Variants in PTPRU observed in about 807,000 individuals in gnomAD.
The protein encoded by PTPRU is receptor-type tyrosine-protein phosphatase U.
In PTPRU, 69 loss-of-function variants were observed where a neutral mutation model predicts 166.3. The ratio of observed to expected loss-of-function variants is 0.41; its 90% CI spans 0.34 to 0.51. PTPRU has a LOEUF of 0.51. PTPRU is among the 20% of genes least tolerant of loss of function. The pLI is 0.09. For synonymous variants in PTPRU, 793 were observed against 814.0 expected (o/e 0.97, Z 0.44); for missense variants, 1,657 against 2,013.7 (o/e 0.82, Z 3.39).
At position 29,271,406 on chromosome 1, in the gene PTPRU, G is replaced by C. The variant is rs1038953229; in HGVS notation, c.1145-4042G>C. On this transcript the variant is annotated intron_variant, in intron 7 of 29. Coordinates refer to ENST00000373779, the MANE Select transcript of PTPRU (RefSeq NM_133178.4). This position sits in a 1 kb window ranked among gnomAD's most constrained non-coding sequence, Gnocchi z 4.4. ...GATCTGTCCAGATATGATCAGGGTA[G>C]GCAGGAAGAAAAAAGAAAAGTGGAC... 2.0e-5 allele frequency among the ~76,000 whole-genome samples: 3 copies of C among 152,134 alleles called. No individual in the cohort carries two copies. The highest frequency in any genetic ancestry group is 7.2e-5 in the African/African-American group (3 of 41,420).
chr1:29,274,239 C>T (rs1487553772), intron 7 of PTPRU, among the ~76,000 whole-genome samples: 7 of 151,956 alleles, frequency 4.6e-5, no homozygotes, highest in Non-Finnish European at 1.5e-5. Context: ...CGGGGCTTCA[C>T]CATATTGGCC....
At position 29,238,436 on chromosome 1, in the gene PTPRU, C is replaced by T. The variant is rs546237833; in HGVS notation, c.73+1719C>T. Among the ~76,000 whole-genome samples the T allele has an allele frequency of 4.6e-5, 7 of 152,262 alleles. No individual in the cohort carries two copies. In the South Asian group the frequency reaches 1.2e-3, roughly 27 times the overall value. On this transcript the variant is annotated intron_variant, in intron 1 of 29. Coordinates refer to ENST00000373779, the MANE Select transcript of PTPRU (RefSeq NM_133178.4). This position sits in a 1 kb window ranked among gnomAD's most constrained non-coding sequence, Gnocchi z 6.1. Reference sequence around the variant, plus strand: ...GAGACGCCCGGGGCGGGATCCGAGCCGAGACACGTGCTGGAGCGGAGCCGC... The same window carrying T: ...GAGACGCCCGGGGCGGGATCCGAGCTGAGACACGTGCTGGAGCGGAGCCGC...
rs755036701 is a variant in PTPRU, at chr1:29,292,006, C to A, written c.2456C>A (p.Thr819Asn). The A allele has an allele frequency of 6.2e-7, 1 of 1,614,146 alleles. No individual in the cohort carries two copies. Among genetic ancestry groups the A allele is most frequent in the Non-Finnish European group, 8.5e-7 (1 of 1,180,020 alleles). ...CGGCTGGGCCTGTCCTTCATGGACA[C>A]CCATGGCTACAGCACCCGGGGTGAG... is the stretch of plus-strand genomic sequence containing the variant. The part of the protein sequence containing the change: ...DERLGLSFMD[T>N]HGYSTRGDQR... Residue 819 changes from threonine (T) to asparagine (N), a missense_variant, in exon 15 of 30, where the codon ACC (threonine) becomes AAC (asparagine). Physicochemically the swap from Thr to Asn is moderately conservative, Grantham distance 65. Coordinates refer to ENST00000373779, the MANE Select transcript of PTPRU (RefSeq NM_133178.4).
intron 15 of PTPRU, among the ~76,000 whole-genome samples, chr1:29,294,001 C>A (rs993358053): frequency 6.6e-6 from 1 of 152,214 alleles, no homozygotes; most frequent in African/African-American, 2.4e-5. Context: ...CATCCATGGG[C>A]ATTCGATTGG....
At chr1:29,292,847 A>C in intron 15 of PTPRU, among the ~76,000 whole-genome samples, 1 of 136,696 alleles carries the variant, frequency 7.3e-6, no homozygotes, top group Admixed American at 8.0e-5. Flanking sequence ...ATGGAGTCTC[A>C]CTCTATCACC....
At chr1:29,241,071 TG>T (rs1235888951) in intron 1 of PTPRU, among the ~76,000 whole-genome samples, 4 of 152,092 alleles carry the variant, frequency 2.6e-5, no homozygotes, top group African/African-American at 9.7e-5. Flanking sequence ...CATGGACACA[TG>T]TGACCTGTTA....
rs985598740 is a variant in PTPRU at position 29,237,420 on chromosome 1, TGTGA to T, written c.73+707_73+710del. 1.3e-4 allele frequency among the ~76,000 whole-genome samples: 20 copies of T among 151,962 alleles called. No homozygotes were observed. The highest frequency in any genetic ancestry group is 2.2e-4 in the Non-Finnish European group (15 of 67,982). On this transcript the variant is annotated intron_variant, in intron 1 of 29. Coordinates refer to ENST00000373779, the MANE Select transcript of PTPRU (RefSeq NM_133178.4). The surrounding 1 kb of genome is among the most constrained non-coding windows in gnomAD (Gnocchi z 6.4). ...TGTGTGGGAGCGAGTCTGGAACGGA[TGTGA>T]GTGTGTGCGAATGTGTCCGTGTGTG...
chr1:29,316,280 C>A, intron 24 of PTPRU, 129 bp downstream of exon 24: 1 of 1,129,354 alleles, frequency 8.9e-7, no homozygotes, highest in Non-Finnish European at 1.2e-6. Context: ...GCTGGAGGGA[C>A]AGAGCTGAGC....
intron 18 of PTPRU, 22 bp from the exon 19 acceptor site, chr1:29,310,722 G>A (rs748985798): frequency 2.5e-6 from 4 of 1,611,748 alleles, no homozygotes; most frequent in Middle Eastern, 1.7e-4. Flanking sequence ...GGGTCTAACC[G>A]TGCCCTCTCC....
chr1:29,282,892 A>G lies in PTPRU; in HGVS notation c.2085A>G (p.Pro695=), dbSNP rs2151953968. Residue 695 remains proline (P), a synonymous_variant, in exon 12 of 30, where the codon CCA becomes CCG. Coordinates refer to ENST00000373779, the MANE Select transcript of PTPRU (RefSeq NM_133178.4). ...NQTYRGFWNP[P]LEPRKAYLIY... ...CCTACCGAGGCTTCTGGAACCCACC[A>G]CTTGAGCCTAGGAAGGCCTATCTCA... is the stretch of plus-strand genomic sequence containing the variant. 6.2e-7 allele frequency: 1 copy of G among 1,614,088 alleles called. No homozygotes were observed. The highest frequency in any genetic ancestry group is 2.2e-5 in the East Asian group (1 of 44,872).
chr1:29,283,302 C>T (rs1686182775), intron 12 of PTPRU, among the ~76,000 whole-genome samples: 1 of 150,024 alleles, frequency 6.7e-6, no homozygotes, highest in African/African-American at 2.5e-5. Context: ...CAGAGTCCGT[C>T]CCATAGTCCC....
chr1:29,278,266 G>C (rs898837782), intron 8 of PTPRU, among the ~76,000 whole-genome samples: 10 of 152,156 alleles, frequency 6.6e-5, no homozygotes, highest in African/African-American at 2.4e-4. Flanking sequence ...GTTCTGCACA[G>C]CATTGGCCTA....
At chr1:29,249,329 AT>A (rs1270866203) in intron 1 of PTPRU, among the ~76,000 whole-genome samples, 2 of 152,070 alleles carry the variant, frequency 1.3e-5, no homozygotes, top group Non-Finnish European at 2.9e-5. Flanking sequence ...TGGCTAAACC[AT>A]CCCCCTGCCT....
intron 15 of PTPRU, among the ~76,000 whole-genome samples, chr1:29,302,398 A>C (rs1687178833): frequency 6.6e-6 from 1 of 152,202 alleles, no homozygotes; most frequent in African/African-American, 2.4e-5. Context: ...TAGCCTAAGC[A>C]TACAGTGTTT....
Position 29,275,622 on chromosome 1 carries a change from A to G in PTPRU, c.1319A>G (p.Lys440Arg), listed in dbSNP as rs949821700. 3.1e-6 allele frequency: 5 copies of G among 1,614,064 alleles called. No individual in the cohort carries two copies. The African/African-American group carries it at 5.3e-5, about 17-fold the overall frequency. ...SHNQTIRECV[K>R]TEQGVSRYTI... ...AACCAGACCATCCGAGAGTGTGTGA[A>G]GACAGAGCAAGGTGTCAGCCGCTAC... The change falls in exon 8 of 30, where the codon AAG (lysine) becomes AGG (arginine). Residue 440 changes from lysine to arginine, a missense_variant. This residue lies in a region of PTPRU where 1,190 missense variants were observed against 1,477.4 expected (regional missense o/e 0.81). Transcript: ENST00000373779.
chr1:29,323,455 G>A lies in PTPRU; in HGVS notation c.3913G>A (p.Asp1305Asn). Residue 1305 changes from aspartate (D) to asparagine (N), a missense_variant, in exon 27 of 30, where the codon GAC becomes AAC. Coordinates refer to ENST00000373779, the MANE Select transcript of PTPRU (RefSeq NM_133178.4). ...GTTTATGTCGGGCACAGCTGATGAA[G>A]ACTTAGTGGCTCGAGTCTTCCGGGT... ...VEFMSGTADE[D>N]LVARVFRVQN... 6.2e-7 allele frequency: 1 copy of A among 1,609,994 alleles called. No homozygotes were observed. The highest frequency in any genetic ancestry group is 8.5e-7 in the Non-Finnish European group (1 of 1,178,222).
intron 15 of PTPRU, among the ~76,000 whole-genome samples, chr1:29,293,921 G>C (rs1446792161): frequency 1.3e-5 from 2 of 152,224 alleles, no homozygotes; most frequent in East Asian, 3.8e-4. Context: ...TTTTGCTGCA[G>C]TTCATTTACT....
intron 7 of PTPRU, among the ~76,000 whole-genome samples, chr1:29,266,319 T>C (rs1685302415): frequency 6.6e-6 from 1 of 152,020 alleles, no homozygotes; most frequent in South Asian, 2.1e-4. Flanking sequence ...TTTCTAAAAG[T>C]GTTATAGTTT....
intron 15 of PTPRU, among the ~76,000 whole-genome samples, chr1:29,295,850 C>A (rs1686859467): frequency 6.6e-6 from 1 of 152,064 alleles, no homozygotes; most frequent in South Asian, 2.1e-4. Context: ...CCATGCCCAG[C>A]TAATTTTTGT....
Sources: allele counts gnomAD v4.1 joint callset (sites outside exome capture counted in the v4.1 genomes callset), GRCh38; gene constraint gnomAD v4.1.1; regional missense constraint gnomAD v4.1.1; non-coding constraint Gnocchi (gnomAD v3.1); transcripts MANE v1.5; gene names NCBI Gene and HGNC (gene_info 2026-07-23, HGNC 2026-07-21).